LCK: variants seen among roughly 807,000 people sequenced by gnomAD.
LCK encodes tyrosine-protein kinase Lck.
LCK carries 14 observed loss-of-function variants against 64.6 expected under a neutral mutation model. The ratio of observed to expected loss-of-function variants is 0.22; its 90% CI spans 0.14 to 0.34. The LOEUF is 0.34. Ranked by LOEUF, LCK falls within the 10% of genes least tolerant of loss-of-function variation. The pLI is 1.00. For synonymous variants in LCK, 277 were observed against 263.6 expected, an observed-to-expected ratio of 1.05 and a Z score of -0.49; for missense variants, 434 against 668.1, an observed-to-expected ratio of 0.65 and a Z score of 3.86.
chr1:32,261,792 A>C (rs1042541999), intron 1 of LCK, among the ~76,000 whole-genome samples: 2 of 151,366 alleles, frequency 1.3e-5, no homozygotes, highest in African/African-American at 4.9e-5. Context: ...TCTCTACTAA[A>C]AATACAAAAA....
chr1:32,273,695 CA>C (rs887364052), intron 1 of LCK, among the ~76,000 whole-genome samples: 3 of 150,930 alleles, frequency 2.0e-5, no homozygotes, highest in Non-Finnish European at 3.0e-5. Flanking sequence ...GGCAAATAAA[CA>C]AAAAAAAAGT....
intron 1 of LCK, among the ~76,000 whole-genome samples, chr1:32,266,474 C>A (rs1639911832): frequency 6.8e-6 from 1 of 146,470 alleles, no homozygotes; most frequent in African/African-American, 2.5e-5. Context: ...TGCACTCCAG[C>A]CTGGGCAACA....
chr1:32,265,848 T>G (rs1269700320), intron 1 of LCK, among the ~76,000 whole-genome samples: 1 of 152,166 alleles, frequency 6.6e-6, no homozygotes, highest in Non-Finnish European at 1.5e-5. Context: ...CTTCTTTTTT[T>G]CCTTTATATA....
Position 32,274,721 on chromosome 1 carries a change from A to G in LCK, c.106-16A>G. 14 of 1,558,880 alleles carry G rather than the reference A, an allele frequency of 9.0e-6. No homozygotes were observed. Among genetic ancestry groups the G allele is most frequent in the Non-Finnish European group, 1.2e-5 (14 of 1,148,246 alleles). The stretch of plus-strand genomic sequence containing the variant: ...TCTTCTGCTTTCTGACCCCACCCTC[A>G]TCCCCCACTCCACAGCTGCTCATCC... On this transcript the variant is annotated splice_polypyrimidine_tract_variant and intron_variant, in intron 2 of 12. Transcript: ENST00000336890.
chr1:32,279,818 G>A (rs777992036), intron 10 of LCK, 23 bp from the exon 11 acceptor site: 9 of 1,613,630 alleles, frequency 5.6e-6, no homozygotes, highest in Admixed American at 1.7e-5. Flanking sequence ...GCTCAGGACC[G>A]CTGATCTGTG....
At chr1:32,269,311 G>A (rs1352041240) in intron 1 of LCK, 2 of 151,912 alleles carry the variant, frequency 1.3e-5, no homozygotes, top group East Asian at 2.0e-4. Context: ...GGTGACACAT[G>A]CCTGTAGTCC....
chr1:32,279,547 T>C (rs1640385205), intron 9 of LCK, 124 bp from the exon 10 acceptor site: 2 of 1,573,528 alleles, frequency 1.3e-6, no homozygotes. Flanking sequence ...CACTCCTCCA[T>C]TCTCACTCTT....
At chr1:32,280,749 G>A (rs764996299) in intron 12 of LCK, among the ~76,000 whole-genome samples, 1 of 151,828 alleles carries the variant, frequency 6.6e-6, no homozygotes, top group Non-Finnish European at 1.5e-5. Flanking sequence ...CACCACACCC[G>A]GCCCCAGCTC....
chr1:32,261,107 C>CCCAGG (rs1436309961), intron 1 of LCK, among the ~76,000 whole-genome samples: 1 of 151,828 alleles, frequency 6.6e-6, no homozygotes. Flanking sequence ...TCCCCTGTCG[C>CCCAGG]CCAGACTGGT....
chr1:32,277,684 C>T (rs1640324167), intron 9 of LCK, among the ~76,000 whole-genome samples: 1 of 152,194 alleles, frequency 6.6e-6, no homozygotes, highest in African/African-American at 2.4e-5. Context: ...TAAATGGGCT[C>T]ACCAGAAATA....
rs200540406 is a variant in LCK, at chr1:32,285,543, C to G, written c.1357C>G (p.Leu453Val). 94 of 1,614,212 alleles carry G rather than the reference C, an allele frequency of 5.8e-5. No individual in the cohort carries two copies. The East Asian group carries it at 7.1e-4, about 12-fold the overall frequency. Residue 453 changes from leucine to valine, a missense_variant, in exon 13 of 13, where the codon CTG becomes GTG. Physicochemically the swap from Leu to Val is conservative, Grantham distance 32. Coordinates refer to ENST00000336890, the MANE Select transcript of LCK (RefSeq NM_005356.5). ...GACCAACCCGGAGGTGATTCAGAAC[C>G]TGGAGCGAGGCTACCGCATGGTGCG... The part of the protein sequence containing the change: ...GMTNPEVIQN[L>V]ERGYRMVRPD...
At chr1:32,272,782 G>A (rs985651679) in intron 1 of LCK, among the ~76,000 whole-genome samples, 1 of 151,230 alleles carries the variant, frequency 6.6e-6, no homozygotes, top group Non-Finnish European at 1.5e-5. Flanking sequence ...GTGTGTGGGG[G>A]TGCCTGTGTG....
At position 32,276,657 on chromosome 1, in the gene LCK, A is replaced by G; in HGVS notation, c.835A>G (p.Ser279Gly). Residue 279 changes from serine to glycine, a missense_variant, in exon 9 of 13, where the codon AGC (serine) becomes GGC (glycine). By Grantham distance (56) the Ser-to-Gly change is moderately conservative. This residue lies in a region of LCK where 201 missense variants were observed against 376.9 expected (regional missense o/e 0.53). Transcript: ENST00000336890. This position sits in a 1 kb window ranked among gnomAD's most constrained non-coding sequence, Gnocchi z 4.6. ...KVAVKSLKQG[S>G]MSPDAFLAEA... ...GGCGGTGAAGAGCCTGAAGCAGGGC[A>G]GCATGTCCCCGGACGCCTTCCTGGC... The G allele has an allele frequency of 6.2e-7, 1 of 1,614,048 alleles. No individual in the cohort carries two copies. The highest frequency in any genetic ancestry group is 8.5e-7 in the Non-Finnish European group (1 of 1,179,980).
intron 9 of LCK, among the ~76,000 whole-genome samples, chr1:32,279,181 T>C (rs1252660892): frequency 6.6e-6 from 1 of 151,880 alleles, no homozygotes; most frequent in African/African-American, 2.4e-5. Flanking sequence ...ATGATCCAGT[T>C]TATTATGCCT....
intron 12 of LCK, 109 bp downstream of exon 12, chr1:32,280,319 C>T: frequency 2.8e-6 from 4 of 1,429,934 alleles, no homozygotes; most frequent in Non-Finnish European, 3.8e-6. Context: ...TGCATCTCCT[C>T]TATCTTCTCA....
In LCK at chr1:32,276,962, C is replaced by T. The variant is rs180774448; in HGVS notation, c.964+176C>T. Reference sequence around the variant, plus strand: ...GCGCGGTGGCTCAGGCCTGTAATCCCAGCACTTTGGGAGCCGAGGCGGGCA... The same window carrying T: ...GCGCGGTGGCTCAGGCCTGTAATCCTAGCACTTTGGGAGCCGAGGCGGGCA... On this transcript the variant is annotated intron_variant, in intron 9 of 12. Coordinates refer to ENST00000336890, the MANE Select transcript of LCK (RefSeq NM_005356.5). This position sits in a 1 kb window ranked among gnomAD's most constrained non-coding sequence, Gnocchi z 4.6. The T allele has an allele frequency of 7.4e-4, 416 of 565,486 alleles. 5 individuals carry two copies. In the East Asian group the frequency reaches 0.014, roughly 19 times the overall value. The allele number at this position is 565,486 out of a possible 1,614,324, so 35.0% of individuals were successfully genotyped here.
chr1:32,253,083 A>C (rs940869722), intron 1 of LCK, among the ~76,000 whole-genome samples: 2 of 152,096 alleles, frequency 1.3e-5, no homozygotes, highest in East Asian at 3.9e-4. Flanking sequence ...GGCAATAATC[A>C]AGCTGGGCAC....
chr1:32,276,934 CG>C lies in LCK; in HGVS notation c.964+151del, dbSNP rs1040123648. The stretch of plus-strand genomic sequence containing the variant: ...TGCCCCCTGGAGACTCACCTCCAGC[CG>C]GGCGCGGTGGCTCAGGCCTGTAATC... On this transcript the variant is annotated intron_variant, in intron 9 of 12. Coordinates refer to ENST00000336890, the MANE Select transcript of LCK (RefSeq NM_005356.5). This position sits in a 1 kb window ranked among gnomAD's most constrained non-coding sequence, Gnocchi z 4.6. 1.2e-6 allele frequency: 1 copy of C among 807,894 alleles called. No homozygotes were observed. Among genetic ancestry groups the C allele is most frequent in the Non-Finnish European group, 1.8e-6 (1 of 552,398 alleles). 50.0% of individuals were successfully genotyped at this position (807,894 alleles called of 1,614,324 possible). A position where few individuals can be genotyped will look rare whatever the true frequency, so the allele number is the denominator to read the frequency against.
chr1:32,282,410 C>G (rs1214607578), intron 12 of LCK, among the ~76,000 whole-genome samples: 2 of 152,136 alleles, frequency 1.3e-5, no homozygotes, highest in East Asian at 3.9e-4. Context: ...CGTGGGGGAC[C>G]CAAAAAAACA....
Sources: gnomAD v4.1 joint callset for allele counts (sites outside exome capture counted in the v4.1 genomes callset) on GRCh38, gnomAD v4.1.1 for gene constraint, gnomAD v4.1.1 regional missense constraint, Gnocchi (gnomAD v3.1) non-coding constraint, MANE v1.5 for transcripts, NCBI Gene and HGNC (gene_info 2026-07-23, HGNC 2026-07-21) for gene names.